EPM2A: variants seen among roughly 807,000 people sequenced by gnomAD.
EPM2A encodes EPM2A glucan phosphatase, laforin, also known as laforin.
A neutral mutation model predicts 26.5 loss-of-function variants in EPM2A; 21 were observed. That is an observed-to-expected ratio of 0.79 (90% CI 0.56 to 1.14). The LOEUF (loss-of-function observed/expected upper bound fraction) is 1.14, where lower values mean the gene tolerates loss of function less well. Ranked by LOEUF, EPM2A falls within the 50% of genes most tolerant of loss-of-function variation. EPM2A has a pLI of 0.00. For synonymous variants in EPM2A, 217 were observed against 177.6 expected, an observed-to-expected ratio of 1.22 and a Z score of -1.76; for missense variants, 458 against 440.8, an observed-to-expected ratio of 1.04 and a Z score of -0.35.
chr6:145,636,573 G>A (rs1470006554), intron 2 of EPM2A: 1 of 152,134 alleles, frequency 6.6e-6, no homozygotes, highest in African/African-American at 2.4e-5. Flanking sequence ...TAGGGAACTG[G>A]GCAATTGGCT....
At chr6:145,730,398 C>T (rs1776426896) in intron 1 of EPM2A, among the ~76,000 whole-genome samples, 1 of 152,210 alleles carries the variant, frequency 6.6e-6, no homozygotes, top group African/African-American at 2.4e-5. Flanking sequence ...ACTAAATGCA[C>T]ATGTGATGAA....
chr6:145,730,241 C>G lies in EPM2A; in HGVS notation c.301+4957G>C, dbSNP rs1489814449. 4.6e-5 allele frequency among the ~76,000 whole-genome samples: 7 copies of G among 152,224 alleles called. No homozygotes were observed. The East Asian group carries it at 1.3e-3, about 29-fold the overall frequency. ...CTAATACACCCAGTCTCTTCTGCAGCAGAGGTAGTCAAACACAATAGTTCT... is the reference window on the plus strand; with the variant it reads ...CTAATACACCCAGTCTCTTCTGCAGGAGAGGTAGTCAAACACAATAGTTCT... On this transcript the variant is annotated intron_variant, in intron 1 of 3. Transcript: ENST00000367519.
At chr6:145,635,520 T>C (rs1208738128) in intron 2 of EPM2A, 34 bp from the exon 3 acceptor site, 1 of 1,611,310 alleles carries the variant, frequency 6.2e-7, no homozygotes. Context: ...CTATCACTAG[T>C]GTTGTTCTGA....
chr6:145,516,044 ACAGAGGC>A (rs957560613), intron 2 of EPM2A, among the ~76,000 whole-genome samples: 1 of 152,200 alleles, frequency 6.6e-6, no homozygotes, highest in Non-Finnish European at 1.5e-5. Flanking sequence ...ATGGAGACTT[ACAGAGGC>A]CAGTTGGTAA....
intron 4 of EPM2A, among the ~76,000 whole-genome samples, chr6:145,406,946 G>C (rs1366953870): frequency 2.0e-5 from 3 of 152,122 alleles, no homozygotes; most frequent in African/African-American, 7.2e-5. Context: ...TCTAGAAGAA[G>C]CAAACATTTG....
At chr6:145,390,906 G>A (rs1007453974) in intron 4 of EPM2A, among the ~76,000 whole-genome samples, 3 of 152,014 alleles carry the variant, frequency 2.0e-5, no homozygotes, top group East Asian at 3.9e-4. Flanking sequence ...AAAGAGATTC[G>A]TTCAACCTGG....
At chr6:145,426,235 C>T (rs1369118006) in intron 4 of EPM2A, among the ~76,000 whole-genome samples, 1 of 152,158 alleles carries the variant, frequency 6.6e-6, no homozygotes, top group Non-Finnish European at 1.5e-5. Flanking sequence ...TTATTACACG[C>T]TGTCCTTTCC....
intron 4 of EPM2A, among the ~76,000 whole-genome samples, chr6:145,422,122 A>C (rs1778796619): frequency 6.8e-6 from 1 of 146,210 alleles, no homozygotes; most frequent in African/African-American, 2.5e-5. Flanking sequence ...ATAAATATAT[A>C]ATATAGTTAT....
chr6:145,706,596 C>A (rs1782235811), intron 1 of EPM2A, among the ~76,000 whole-genome samples: 1 of 152,080 alleles, frequency 6.6e-6, no homozygotes, highest in Non-Finnish European at 1.5e-5. Context: ...TGGAGAAAAA[C>A]AGAGCAACTA....
intron 1 of EPM2A, among the ~76,000 whole-genome samples, chr6:145,719,327 A>G (rs575323803): frequency 5.3e-4 from 80 of 150,676 alleles, no homozygotes; most frequent in African/African-American, 1.6e-3. Context: ...TTGTAGGGAC[A>G]TGGATGAAAT....
chr6:145,561,050 C>T (rs1224909504), intron 2 of EPM2A, among the ~76,000 whole-genome samples: 1 of 151,876 alleles, frequency 6.6e-6, no homozygotes, highest in Non-Finnish European at 1.5e-5. Context: ...AGTACATATA[C>T]TGTAGTATAT....
intron 2 of EPM2A, among the ~76,000 whole-genome samples, chr6:145,557,258 A>G (rs575134935): frequency 6.6e-6 from 1 of 152,270 alleles, no homozygotes; most frequent in South Asian, 2.1e-4. Flanking sequence ...GGAAATAGCA[A>G]GAAGCAGAGA....
chr6:145,461,250 C>A (rs116874588), intron 4 of EPM2A, among the ~76,000 whole-genome samples: 1 of 152,122 alleles, frequency 6.6e-6, no homozygotes, highest in African/African-American at 2.4e-5. Flanking sequence ...TGTGTAGAAG[C>A]CTTAGTCACT....
intron 4 of EPM2A, among the ~76,000 whole-genome samples, chr6:145,467,914 T>C (rs1485040940): frequency 6.6e-6 from 1 of 152,094 alleles, no homozygotes; most frequent in Non-Finnish European, 1.5e-5. Context: ...TATATGGAAA[T>C]ATTATTGTGC....
chr6:145,685,459 A>C (rs1305493714), intron 2 of EPM2A, among the ~76,000 whole-genome samples: 1 of 152,158 alleles, frequency 6.6e-6, no homozygotes, highest in Non-Finnish European at 1.5e-5. Flanking sequence ...ATAGAGGGGA[A>C]TCAATAGCTA....
At chr6:145,417,256 C>T (rs1436921633) in intron 4 of EPM2A, among the ~76,000 whole-genome samples, 5 of 152,260 alleles carry the variant, frequency 3.3e-5, no homozygotes, top group Admixed American at 2.6e-4. Context: ...TTCAGTAGTA[C>T]CAAATCCTAC....
At chr6:145,563,307 G>A (rs28479261) in intron 2 of EPM2A, among the ~76,000 whole-genome samples, 10,179 of 151,910 alleles carry the variant, frequency 0.067, 1,141 homozygotes, top group African/African-American at 0.23. Flanking sequence ...TTGTTCCAAT[G>A]AGGCATGTTA....
chr6:145,601,783 T>G (rs1781420125), intron 2 of EPM2A, among the ~76,000 whole-genome samples: 1 of 152,220 alleles, frequency 6.6e-6, no homozygotes, highest in Non-Finnish European at 1.5e-5. Context: ...AAACTAGTCA[T>G]GTGACCTCTT....
intron 2 of EPM2A, among the ~76,000 whole-genome samples, chr6:145,682,905 C>T (rs1477123431): frequency 6.6e-6 from 1 of 152,126 alleles, no homozygotes; most frequent in African/African-American, 2.4e-5. Context: ...TGAATACCTC[C>T]ATTGTATAAA....
Sources: gnomAD v4.1 joint callset for allele counts (sites outside exome capture counted in the v4.1 genomes callset) on GRCh38, gnomAD v4.1.1 for gene constraint, MANE v1.5 for transcripts, NCBI Gene and HGNC (gene_info 2026-07-23, HGNC 2026-07-21) for gene names.